PER1: variants seen among roughly 807,000 people sequenced by gnomAD.
PER1 encodes period circadian protein homolog 1.
PER1 carries 87 observed loss-of-function variants against 125.9 expected under a neutral mutation model. The observed-to-expected ratio is 0.69, with a 90% CI of 0.58 to 0.83. PER1 has a LOEUF of 0.83. Among genes scored for constraint, PER1 ranks in the 40% least tolerant of loss-of-function variants. The pLI is 0.00. For synonymous variants in PER1, 801 were observed against 714.7 expected (o/e 1.12, Z -1.93); for missense variants, 1,775 against 1,722.8 (o/e 1.03, Z -0.54).
rs1323814311 is a variant in PER1 at position 8,148,002 on chromosome 17, T to C, written c.1229A>G (p.Lys410Arg). 1.2e-6 allele frequency: 2 copies of C among 1,612,038 alleles called. No homozygotes were observed. The highest frequency in any genetic ancestry group is 4.5e-5 in the East Asian group (2 of 44,860). ...GCAGGGCGAGAGGAACTCACTCTTC[T>C]TGTGGATAGCCAGCATGAGGGGTCG... is the stretch of plus-strand genomic sequence containing the variant. Reference protein sequence around the residue: ...EDRPLMLAIHKKILQLAGQPF... With the variant: ...EDRPLMLAIHRKILQLAGQPF... The change falls in exon 10 of 23, where the codon AAG (lysine) becomes AGG (arginine). Residue 410 changes from lysine to arginine, a missense_variant. Lys to Arg is a conservative substitution (Grantham distance 26). Coordinates refer to ENST00000317276, the MANE Select transcript of PER1 (RefSeq NM_002616.3).
At chr17:8,145,343 A>ATTT (rs1982366085) in intron 17 of PER1, among the ~76,000 whole-genome samples, 1 of 21,286 alleles carries the variant, frequency 4.7e-5, no homozygotes, top group Non-Finnish European at 2.2e-4. Flanking sequence ...TTTTTTTTTG[A>ATTT]CATGGAGTCT....
chr17:8,143,962 G>C, intron 18 of PER1, 86 bp from the exon 19 acceptor site: 1 of 1,507,104 alleles, frequency 6.6e-7, no homozygotes, highest in African/African-American at 1.4e-5. Context: ...GCTGACCAGG[G>C]AGAGGACAGG....
Position 8,147,536 on chromosome 17 carries a change from G to T in PER1, c.1431C>A (p.Ser477Arg). Residue 477 changes from serine to arginine, a missense_variant, in exon 12 of 23, where the codon AGC becomes AGA. Physicochemically the swap from Ser to Arg is moderately radical, Grantham distance 110. Transcript: ENST00000317276. ...TATCAGTGTCCAGGGAGGGAGCTGG[G>T]CTGGGGGCCGGGGGAGTGAACACGT... ...NEDVFTPPAP[S>R]PAPSLDTDIQ... The T allele has an allele frequency of 6.2e-7, 1 of 1,613,834 alleles. No individual in the cohort carries two copies. The highest frequency in any genetic ancestry group is 1.3e-5 in the African/African-American group (1 of 75,036).
intron 22 of PER1, 95 bp from the exon 23 acceptor site, chr17:8,141,435 A>G: frequency 2.2e-6 from 3 of 1,391,638 alleles, no homozygotes; most frequent in Non-Finnish European, 2.9e-6. Flanking sequence ...GTGCTTCCCG[A>G]AATGTACTCC....
Position 8,144,799 on chromosome 17 carries a change from G to T in PER1, c.2413C>A (p.Arg805Ser). 1 of 1,585,128 alleles carries T rather than the reference G, an allele frequency of 6.3e-7. No individual in the cohort carries two copies. Among genetic ancestry groups the T allele is most frequent in the Non-Finnish European group, 8.6e-7 (1 of 1,165,578 alleles). ...LSRFRDLGRLRGLDSSSTAPS... is the reference protein window; with the variant it reads ...LSRFRDLGRLSGLDSSSTAPS... ...GCTGTGGAAGAGCTGTCGAGTCCAC[G>T]CAGCCTGCCCAGGTCTCGGAAGCGG... The change falls in exon 18 of 23, where the codon CGT (arginine) becomes AGT (serine). Residue 805 changes from arginine to serine, a missense_variant. Transcript: ENST00000317276.
Position 8,150,514 on chromosome 17 carries a change from C to T in PER1, c.193G>A (p.Ala65Thr). The T allele has an allele frequency of 6.2e-7, 1 of 1,614,136 alleles. No individual in the cohort carries two copies. The highest frequency in any genetic ancestry group is 1.3e-5 in the African/African-American group (1 of 75,046). The change falls in exon 2 of 23, where the codon GCA becomes ACA. Residue 65 changes from alanine to threonine, a missense_variant. Coordinates refer to ENST00000317276, the MANE Select transcript of PER1 (RefSeq NM_002616.3). ...GAGCTGTGTGAGCTCCGCTGAGATG[C>T]GCCTCTAGACTCATGCCCGTTGGAC... ...NESNGHESRG[A>T]SQRSSHSSSS...
chr17:8,142,240 A>T (rs1982125809), intron 21 of PER1, 29 bp downstream of exon 21: 1 of 1,536,292 alleles, frequency 6.5e-7, no homozygotes, highest in South Asian at 1.2e-5. Context: ...TCTGAAAGGA[A>T]GGCCAAGAAG....
chr17:8,147,213 G>A, intron 13 of PER1, 37 bp downstream of exon 13: 1 of 1,576,108 alleles, frequency 6.3e-7, no homozygotes, highest in East Asian at 2.3e-5. Context: ...AGAGGGGAAA[G>A]GGCGATTAGA....
intron 22 of PER1, 77 bp downstream of exon 22, chr17:8,141,728 A>C (rs1982089479): frequency 6.6e-7 from 1 of 1,524,338 alleles, no homozygotes; most frequent in East Asian, 2.3e-5. Context: ...TCCCCCTTGA[A>C]CTTGAGCTCA....
In PER1 at chr17:8,143,600, G is replaced by A; in HGVS notation, c.2738C>T (p.Pro913Leu). 4.8e-6 allele frequency: 7 copies of A among 1,460,860 alleles called. No individual in the cohort carries two copies. The highest frequency in any genetic ancestry group is 5.4e-6 in the Non-Finnish European group (6 of 1,101,762). The allele number at this position is 1,460,860 out of a possible 1,614,324, so 90.5% of individuals were successfully genotyped here. A position where few individuals can be genotyped will look rare whatever the true frequency, so the allele number is the denominator to read the frequency against. The change falls in exon 19 of 23, where the codon CCT becomes CTT. Residue 913 changes from proline to leucine, a missense_variant. Coordinates refer to ENST00000317276, the MANE Select transcript of PER1 (RefSeq NM_002616.3). ...TSVPPAAFPA[P>L]LVTPMVALVL... ...CAAGGCCACCATTGGGGTCACCAAA[G>A]GGGCGGGGAAAGCAGCTGGGGGCAC...
intron 8 of PER1, 114 bp downstream of exon 8, chr17:8,148,530 T>C (rs1982606628): frequency 7.6e-7 from 1 of 1,316,352 alleles, no homozygotes; most frequent in East Asian, 2.3e-5. Context: ...TTACAATAGC[T>C]TTTCTTGTTC....
At chr17:8,144,025 G>T in intron 18 of PER1, 149 bp from the exon 19 acceptor site, 3 of 1,227,478 alleles carry the variant, frequency 2.4e-6, no homozygotes, top group Non-Finnish European at 3.2e-6. Flanking sequence ...GACTCAGGAG[G>T]TGGGGCACCT....
At chr17:8,144,577 C>T in intron 18 of PER1, 174 bp downstream of exon 18, 1 of 825,948 alleles carries the variant, frequency 1.2e-6, no homozygotes, top group South Asian at 1.9e-5. Flanking sequence ...CAGCCCGGAA[C>T]CCCATCCTAG....
Position 8,147,253 on chromosome 17 carries a change from C to T in PER1, c.1626G>A (p.Ala542=), listed in dbSNP as rs376997600. The T allele has an allele frequency of 7.1e-5, 114 of 1,605,754 alleles. No individual in the cohort carries two copies. The highest frequency in any genetic ancestry group is 9.0e-5 in the Non-Finnish European group (106 of 1,176,236). The change falls in exon 13 of 23, where the codon GCG becomes GCA. Residue 542 remains alanine, a synonymous_variant. Coordinates refer to ENST00000317276, the MANE Select transcript of PER1 (RefSeq NM_002616.3). The part of the protein sequence containing the change: ...GGDAEGPGPP[A]PVTFQQICKD... ...GAGGTAGGAGCAGGTCACTCACTGG[C>T]GCAGGAGGCCCAGGCCCCTCTGCAT...
rs1201156478 is a variant in PER1, at chr17:8,148,247, G to A, written c.1061C>T (p.Pro354Leu). 1.2e-6 allele frequency: 2 copies of A among 1,613,848 alleles called. No homozygotes were observed. The highest frequency in any genetic ancestry group is 1.7e-6 in the Non-Finnish European group (2 of 1,179,884). The stretch of plus-strand genomic sequence containing the variant: ...CGTAGTGAAAATCCTCTTGTCAGGG[G>A]GTATCCGGGGAGCTGAGGCACAGAG... Reference protein sequence around the residue: ...IHSGYEAPRIPPDKRIFTTRH... With the variant: ...IHSGYEAPRILPDKRIFTTRH... The change falls in exon 9 of 23, where the codon CCC becomes CTC. Residue 354 changes from proline (P) to leucine (L), a missense_variant. Coordinates refer to ENST00000317276, the MANE Select transcript of PER1 (RefSeq NM_002616.3).
intron 11 of PER1, 28 bp from the exon 12 acceptor site, chr17:8,147,606 T>TG: frequency 2.5e-6 from 4 of 1,613,326 alleles, no homozygotes; most frequent in Non-Finnish European, 3.4e-6. Context: ...AATCCAGCCC[T>TG]GGCCCGGTCC....
rs376276522 is a variant in PER1 at position 8,141,110 on chromosome 17, T to C, written c.3831A>G (p.Ser1277=). ...AMEEEEEGRS[S]SSPALPTAGN... is the part of the protein sequence containing the mutation. Reference sequence around the variant, plus strand: ...CTGCTGTAGGTAAGGCTGGACTGGATGAGCTCCTGCCTTCTTCCTCCTCCT... The same window carrying C: ...CTGCTGTAGGTAAGGCTGGACTGGACGAGCTCCTGCCTTCTTCCTCCTCCT... The change falls in exon 23 of 23, where the codon TCA becomes TCG. Residue 1277 remains serine, a synonymous_variant. Transcript: ENST00000317276. The C allele has an allele frequency of 1.9e-6, 3 of 1,612,316 alleles. No individual in the cohort carries two copies. The African/African-American group carries it at 4.0e-5, about 22-fold the overall frequency.
Position 8,143,790 on chromosome 17 carries a change from C to T in PER1, c.2548G>A (p.Ala850Thr). ...KRSRHHQNPR[A>T]EAPCYVSHPS... Reference sequence around the variant, plus strand: ...TGTGAGACATAGCAGGGCGCTTCAGCCCGAGGGTTCTGGTGGTGGCGTGAG... The same window carrying T: ...TGTGAGACATAGCAGGGCGCTTCAGTCCGAGGGTTCTGGTGGTGGCGTGAG... The change falls in exon 19 of 23, where the codon GCT (alanine) becomes ACT (threonine). Residue 850 changes from alanine (A) to threonine (T), a missense_variant. Coordinates refer to ENST00000317276, the MANE Select transcript of PER1 (RefSeq NM_002616.3). 1 of 1,609,568 alleles carries T rather than the reference C, an allele frequency of 6.2e-7. No individual in the cohort carries two copies. Among genetic ancestry groups the T allele is most frequent in the Non-Finnish European group, 8.5e-7 (1 of 1,177,424 alleles).
Position 8,143,472 on chromosome 17 carries a change from G to C in PER1, c.2866C>G (p.Pro956Ala). 1 of 1,602,186 alleles carries C rather than the reference G, an allele frequency of 6.2e-7. No individual in the cohort carries two copies. Among genetic ancestry groups the C allele is most frequent in the South Asian group, 1.1e-5 (1 of 89,108 alleles). The change falls in exon 19 of 23, where the codon CCA (proline) becomes GCA (alanine). Residue 956 changes from proline to alanine, a missense_variant. Coordinates refer to ENST00000317276, the MANE Select transcript of PER1 (RefSeq NM_002616.3). ...PPTPASHSPS[P>A]SLPALAPSPP... ...CTCGGGGCGAGGGCGGGCAAGGATGGAGAAGGGGAGTGCGAGGCAGGAGTG... is the reference window on the plus strand; with the variant it reads ...CTCGGGGCGAGGGCGGGCAAGGATGCAGAAGGGGAGTGCGAGGCAGGAGTG...
Sources: allele counts gnomAD v4.1 joint callset (sites outside exome capture counted in the v4.1 genomes callset), GRCh38; gene constraint gnomAD v4.1.1; transcripts MANE v1.5; gene names NCBI Gene and HGNC (gene_info 2026-07-23, HGNC 2026-07-21).